Variants in CFAP47 observed in about 807,000 individuals in gnomAD.
CFAP47 encodes the protein cilia and flagella associated protein 47, also known as cilia- and flagella-associated protein 47.
A neutral mutation model predicts 148.1 loss-of-function variants in CFAP47; 29 were observed. That is an observed-to-expected ratio of 0.20 (90% CI 0.15 to 0.27). The LOEUF (loss-of-function observed/expected upper bound fraction) is 0.27. Ranked by LOEUF, CFAP47 falls within the 10% of genes least tolerant of loss-of-function variation. The pLI is 1.00. For synonymous variants in CFAP47, 664 were observed against 577.3 expected (o/e 1.15, Z -2.15); for missense variants, 1,872 against 1,697.5 (o/e 1.10, Z -1.81).
At chrX:35,921,986 CT>C (rs1228129748) in intron 1 of CFAP47, among the ~76,000 whole-genome samples, 1 of 111,568 alleles carries the variant, frequency 9.0e-6, no homozygotes, top group Non-Finnish European at 1.9e-5. Flanking sequence ...AAGACACATA[CT>C]TTATCTTCAA....
intron 15 of CFAP47, among the ~76,000 whole-genome samples, chrX:35,979,436 A>G (rs1438488820): frequency 9.1e-6 from 1 of 109,420 alleles, no homozygotes; most frequent in Non-Finnish European, 1.9e-5. Context: ...GTTTTTGATC[A>G]ATTCACTCCC....
intron 25 of CFAP47, among the ~76,000 whole-genome samples, chrX:36,041,088 C>A (rs1396737052): frequency 9.0e-6 from 1 of 110,959 alleles, no homozygotes; most frequent in Admixed American, 9.6e-5. Flanking sequence ...CAAATAATAG[C>A]CTCTTAGACT....
chrX:36,326,958 G>T (rs1941522278), intron 57 of CFAP47, among the ~76,000 whole-genome samples: 1 of 111,214 alleles, frequency 9.0e-6, no homozygotes, highest in Non-Finnish European at 1.9e-5. Flanking sequence ...AATTAACGCA[G>T]GGTATATTAG....
intron 57 of CFAP47, among the ~76,000 whole-genome samples, chrX:36,322,757 A>G (rs1941488431): frequency 9.0e-6 from 1 of 111,257 alleles, no homozygotes; most frequent in Non-Finnish European, 1.9e-5. Flanking sequence ...GCTTTCTAAG[A>G]TAAACAATGC....
intron 46 of CFAP47, among the ~76,000 whole-genome samples, chrX:36,230,289 T>G (rs112611270): frequency 9.4e-6 from 1 of 106,630 alleles, no homozygotes. Flanking sequence ...CCTGACTTTT[T>G]AATGATGCCA....
intron 32 of CFAP47, among the ~76,000 whole-genome samples, chrX:36,101,522 T>C (rs1938375760): frequency 8.9e-6 from 1 of 111,899 alleles, no homozygotes. Context: ...TTCTCATTAC[T>C]CAATACAAAA....
At chrX:36,115,280 C>CA (rs1938621057) in intron 33 of CFAP47, among the ~76,000 whole-genome samples, 1 of 111,235 alleles carries the variant, frequency 9.0e-6, no homozygotes, top group Non-Finnish European at 1.9e-5. Context: ...TTATTATTAG[C>CA]AAAAATAAAA....
intron 22 of CFAP47, among the ~76,000 whole-genome samples, chrX:36,027,340 A>G (rs780519207): frequency 9.2e-6 from 1 of 109,003 alleles, no homozygotes; most frequent in East Asian, 2.9e-4. Flanking sequence ...GCCATCTCAC[A>G]CCATCCCACC....
At chrX:36,196,390 C>T (rs951616921) in intron 42 of CFAP47, among the ~76,000 whole-genome samples, 22 of 110,822 alleles carry the variant, frequency 2.0e-4, no homozygotes, top group African/African-American at 6.9e-4. Flanking sequence ...AATCACAAAA[C>T]GGGAAAGATC....
intron 45 of CFAP47, among the ~76,000 whole-genome samples, chrX:36,224,571 T>C (rs782432517): frequency 1.1e-3 from 120 of 111,931 alleles, no homozygotes; most frequent in South Asian, 1.0e-2. Context: ...AGATATTTGA[T>C]AGCTTCTTTT....
chrX:36,177,606 A>C (rs1345136565), intron 39 of CFAP47, among the ~76,000 whole-genome samples: 1 of 112,209 alleles, frequency 8.9e-6, no homozygotes, highest in African/African-American at 3.2e-5. Flanking sequence ...CAAAGTTCAC[A>C]GTTTACATTT....
At chrX:36,013,846 G>A (rs1053821624) in intron 21 of CFAP47, among the ~76,000 whole-genome samples, 2 of 111,774 alleles carry the variant, frequency 1.8e-5, no homozygotes, top group African/African-American at 6.5e-5. Context: ...TTCTTTTATT[G>A]TTGAAAAGTA....
At chrX:35,987,200 G>A (rs1261768240) in intron 15 of CFAP47, among the ~76,000 whole-genome samples, 1 of 111,404 alleles carries the variant, frequency 9.0e-6, no homozygotes. Flanking sequence ...CTGAAGCTGT[G>A]CCCACAGCTG....
chrX:35,953,455 T>C, intron 6 of CFAP47, 137 bp from the exon 7 acceptor site: 1 of 445,799 alleles, frequency 2.2e-6, no homozygotes, highest in Non-Finnish European at 3.6e-6. Flanking sequence ...ATTTGGATAA[T>C]GGATTACAGT....
At chrX:36,262,128 C>T (rs1350069929) in intron 49 of CFAP47, among the ~76,000 whole-genome samples, 1 of 112,069 alleles carries the variant, frequency 8.9e-6, no homozygotes, top group Non-Finnish European at 1.9e-5. Context: ...TTGTGGGGTA[C>T]ATGAGATGTT....
intron 49 of CFAP47, among the ~76,000 whole-genome samples, chrX:36,271,532 C>G: frequency 9.0e-6 from 1 of 111,603 alleles, no homozygotes; most frequent in Admixed American, 9.5e-5. Flanking sequence ...AGCTCTATCT[C>G]TTTAGGTCAA....
rs182541657 is a variant in CFAP47, at chrX:36,229,382, G to A, written c.7014+558G>A. Among the ~76,000 whole-genome samples the A allele has an allele frequency of 4.5e-5, 5 of 111,509 alleles. No homozygotes were observed. The East Asian group carries it at 1.4e-3, about 32-fold the overall frequency. ...GAGATATATAATCTTTGCTATGTGAGCAACATACCAGGTAGAATGACAATT... is the reference window on the plus strand; with the variant it reads ...GAGATATATAATCTTTGCTATGTGAACAACATACCAGGTAGAATGACAATT... On this transcript the variant is annotated intron_variant, in intron 46 of 63. Transcript: ENST00000378653.
At chrX:36,121,987 G>C (rs1938753050) in intron 33 of CFAP47, among the ~76,000 whole-genome samples, 1 of 111,380 alleles carries the variant, frequency 9.0e-6, no homozygotes, top group Non-Finnish European at 1.9e-5. Context: ...AAATCCCTAA[G>C]CTTTTGTTTG....
At chrX:35,976,155 TAAAG>T (rs1406528510) in intron 15 of CFAP47, among the ~76,000 whole-genome samples, 1 of 109,572 alleles carries the variant, frequency 9.1e-6, no homozygotes, top group Non-Finnish European at 1.9e-5. Flanking sequence ...GAGAGAGAGA[TAAAG>T]AGAGAGACAT....
Sources: allele counts gnomAD v4.1 joint callset (sites outside exome capture counted in the v4.1 genomes callset), GRCh38; gene constraint gnomAD v4.1.1; transcripts MANE v1.5; gene names NCBI Gene and HGNC (gene_info 2026-07-23, HGNC 2026-07-21).